Variants in NCKAP5 observed in about 807,000 individuals in gnomAD.
NCKAP5 encodes the protein nck-associated protein 5.
NCKAP5 carries 92 observed loss-of-function variants against 167.0 expected under a neutral mutation model. The observed-to-expected ratio is 0.55, with a 90% confidence interval of 0.47 to 0.66. The LOEUF (loss-of-function observed/expected upper bound fraction) is 0.66. Ranked by LOEUF, NCKAP5 falls within the 30% of genes least tolerant of loss-of-function variation. The pLI, the probability that NCKAP5 is intolerant of heterozygous loss-of-function variation, is 0.00. For missense variants in NCKAP5, 2,378 were observed against 2,315.0 expected, an observed-to-expected ratio of 1.03 and a Z score of -0.56; for synonymous variants, 891 against 877.4, an observed-to-expected ratio of 1.02 and a Z score of -0.27.
chr2:133,062,659 A>G (rs753694252), intron 6 of NCKAP5, among the ~76,000 whole-genome samples: 1 of 152,222 alleles, frequency 6.6e-6, no homozygotes, highest in Non-Finnish European at 1.5e-5. Context: ...ATGGCCTGCT[A>G]TAAGTTTAAT....
At chr2:133,667,104 TCA>T in the NCKAP5 span, among the ~76,000 whole-genome samples, 2 of 152,056 alleles carry the variant, frequency 1.3e-5, no homozygotes, top group Non-Finnish European at 2.9e-5. Flanking sequence ...TGATTAACAT[TCA>T]GTCTCTTACC....
At chr2:133,586,003 A>G in the NCKAP5 span, among the ~76,000 whole-genome samples, 1 of 152,236 alleles carries the variant, frequency 6.6e-6, no homozygotes, top group Non-Finnish European at 1.5e-5. Context: ...AACAAGCACT[A>G]TTGGCCTTTG....
At chr2:132,841,425 A>G (rs906960591) in intron 11 of NCKAP5, among the ~76,000 whole-genome samples, 4 of 152,124 alleles carry the variant, frequency 2.6e-5, no homozygotes, top group African/African-American at 9.6e-5. Context: ...CAGATTTTTT[A>G]TTAGAGATTA....
At chr2:133,167,095 C>T (rs961752994) in intron 5 of NCKAP5, among the ~76,000 whole-genome samples, 1 of 152,114 alleles carries the variant, frequency 6.6e-6, no homozygotes, top group African/African-American at 2.4e-5. Flanking sequence ...AATAAAATCC[C>T]CTACAACTTC....
At chr2:132,994,931 A>G (rs2077550019) in intron 6 of NCKAP5, among the ~76,000 whole-genome samples, 3 of 152,196 alleles carry the variant, frequency 2.0e-5, no homozygotes, top group Admixed American at 2.0e-4. Context: ...ATTATAAAAC[A>G]ATAATATTTG....
At chr2:132,940,066 A>AAAG (rs968291565) in intron 8 of NCKAP5, among the ~76,000 whole-genome samples, 1 of 152,108 alleles carries the variant, frequency 6.6e-6, no homozygotes, top group African/African-American at 2.4e-5. Flanking sequence ...CTGAGTTCCC[A>AAAG]AAGTCCATTA....
At chr2:133,342,636 C>T (rs1362046829) in intron 3 of NCKAP5, among the ~76,000 whole-genome samples, 1 of 152,120 alleles carries the variant, frequency 6.6e-6, no homozygotes, top group African/African-American at 2.4e-5. Context: ...ATTAACAATA[C>T]CCCCTCCAGC....
chr2:132,820,010 A>G lies in NCKAP5; in HGVS notation c.808-23281T>C, dbSNP rs953604017. On this transcript the variant is annotated intron_variant, in intron 11 of 19. Coordinates refer to ENST00000409261, the MANE Select transcript of NCKAP5 (RefSeq NM_207363.3). ...AGGCTTTTATAAAGTTTTCAGAACC[A>G]CAGGATATTCTCTTCCCTTCCTTCA... 3.9e-5 allele frequency among the ~76,000 whole-genome samples: 6 copies of G among 152,334 alleles called. No individual in the cohort carries two copies. In the South Asian group the frequency reaches 1.2e-3, roughly 32 times the overall value.
At chr2:132,780,282 G>A (rs933030591) in intron 15 of NCKAP5, among the ~76,000 whole-genome samples, 5 of 152,004 alleles carry the variant, frequency 3.3e-5, no homozygotes, top group East Asian at 1.9e-4. Context: ...CTCCCAAGTC[G>A]CTGGGACTGC....
intron 4 of NCKAP5, among the ~76,000 whole-genome samples, chr2:133,258,654 A>T (rs1426410025): frequency 6.6e-6 from 1 of 151,958 alleles, no homozygotes; most frequent in Non-Finnish European, 1.5e-5. Flanking sequence ...CTGAGGTGGG[A>T]GGAATACTTG....
chr2:132,926,849 T>C (rs1021081579), intron 8 of NCKAP5, among the ~76,000 whole-genome samples: 1 of 152,204 alleles, frequency 6.6e-6, no homozygotes, highest in African/African-American at 2.4e-5. Context: ...TTTATTTCCT[T>C]TGCTGTGGAG....
intron 19 of NCKAP5, among the ~76,000 whole-genome samples, chr2:132,692,105 CTTGATTTTATTTTAT>C (rs962250738): frequency 1.6e-5 from 2 of 124,860 alleles, no homozygotes; most frequent in Non-Finnish European, 3.6e-5. Context: ...ATGAAGCCTG[CTTGATTTTATTTTAT>C]TTTATTTTAT....
intron 3 of NCKAP5, among the ~76,000 whole-genome samples, chr2:133,397,520 T>C (rs1347572117): frequency 6.6e-6 from 1 of 152,228 alleles, no homozygotes; most frequent in Admixed American, 6.5e-5. Context: ...TGACCTGGTG[T>C]CCACTGTCTA....
At chr2:132,717,901 G>T (rs761801040) in intron 19 of NCKAP5, among the ~76,000 whole-genome samples, 1 of 152,182 alleles carries the variant, frequency 6.6e-6, no homozygotes, top group Non-Finnish European at 1.5e-5. Context: ...AGGCTGGAGA[G>T]GGCATGCTGG....
chr2:132,864,506 A>G (rs1690185875), intron 10 of NCKAP5, among the ~76,000 whole-genome samples: 1 of 152,164 alleles, frequency 6.6e-6, no homozygotes, highest in Admixed American at 6.5e-5. Flanking sequence ...TGTGCATCTT[A>G]ATGATCCCAA....
At chr2:132,751,359 A>G (rs1680097219) in intron 16 of NCKAP5, among the ~76,000 whole-genome samples, 2 of 152,276 alleles carry the variant, frequency 1.3e-5, no homozygotes, top group East Asian at 3.9e-4. Context: ...CAACAGAAGC[A>G]GACACTGGCA....
At chr2:132,747,649 T>C (rs1256614018) in intron 16 of NCKAP5, among the ~76,000 whole-genome samples, 1 of 122,612 alleles carries the variant, frequency 8.2e-6, no homozygotes, top group African/African-American at 3.1e-5. Flanking sequence ...TTCAGGACCT[T>C]ACAGGTAGCT....
chr2:132,708,652 A>G (rs1024127885), intron 19 of NCKAP5, among the ~76,000 whole-genome samples: 1 of 152,226 alleles, frequency 6.6e-6, no homozygotes, highest in Non-Finnish European at 1.5e-5. Flanking sequence ...GGGAAAGGAC[A>G]CAAGCCCGGC....
At position 133,133,586 on chromosome 2, in the gene NCKAP5, A is replaced by G. The variant is rs1030047149; in HGVS notation, c.208-3475T>C. On this transcript the variant is annotated intron_variant, in intron 5 of 19. Coordinates refer to ENST00000409261, the MANE Select transcript of NCKAP5 (RefSeq NM_207363.3). The stretch of plus-strand genomic sequence containing the variant: ...CTTTACAGAGGTGAGCTTTGTTATT[A>G]GTAAAAAGGTAGGTTTCCCTGTTTT... 2.0e-5 allele frequency among the ~76,000 whole-genome samples: 3 copies of G among 152,196 alleles called. No individual in the cohort carries two copies. The East Asian group carries it at 5.8e-4, about 29-fold the overall frequency.
Sources: allele counts gnomAD v4.1 joint callset (sites outside exome capture counted in the v4.1 genomes callset), GRCh38; gene constraint gnomAD v4.1.1; transcripts MANE v1.5; gene names NCBI Gene and HGNC (gene_info 2026-07-23, HGNC 2026-07-21).